The following FKBP15 variants were observed in gnomAD, a reference collection of about 807,000 sequenced individuals.
FKBP15 encodes FKBP prolyl isomerase family member 15.
A neutral mutation model predicts 158.1 loss-of-function variants in FKBP15; 106 were observed. The ratio of observed to expected loss-of-function variants is 0.67; its 90% CI spans 0.57 to 0.79. FKBP15 has a LOEUF of 0.79. FKBP15 is among the 30% of genes least tolerant of loss of function. The pLI, the probability that FKBP15 is intolerant of heterozygous loss-of-function variation, is 0.00. For missense variants in FKBP15, 1,287 were observed against 1,479.1 expected (o/e 0.87, Z 2.13); for synonymous variants, 547 against 548.6 (o/e 1.00, Z 0.04).
At position 113,194,051 on chromosome 9, in the gene FKBP15, G is replaced by A. The variant is rs777612372; in HGVS notation, c.983C>T (p.Pro328Leu). ...CCCTGATTTGAAAGGTATTGATGTG[G>A]GTGGTGACACAACAGGATCAGCAGA... is the stretch of plus-strand genomic sequence containing the variant. ...NLSADPVVSP[P>L]TSIPFKSGEP... The change falls in exon 10 of 28, where the codon CCC (proline) becomes CTC (leucine). Residue 328 changes from proline (P) to leucine (L), a missense_variant. Pro to Leu is a moderately conservative substitution (Grantham distance 98, BLOSUM62 -3). Transcript: ENST00000238256. 9.3e-6 allele frequency: 15 copies of A among 1,612,910 alleles called. No individual in the cohort carries two copies. In the African/African-American group the frequency reaches 1.6e-4, roughly 17 times the overall value.
Position 113,163,646 on chromosome 9 carries a change from T to A in FKBP15, c.*2432A>T, listed in dbSNP as rs1358195641. 1.3e-5 allele frequency: 2 copies of A among 151,708 alleles called. No homozygotes were observed. The highest frequency in any genetic ancestry group is 3.0e-5 in the Non-Finnish European group (2 of 67,748). 9.4% of individuals were successfully genotyped at this position (151,708 alleles called of 1,614,324 possible). ...ATTAAAGGCAGAGACACAGGACTGC[T>A]TTCAGGCTCCTGGTTTATTCTCTGA... On this transcript the variant is annotated 3_prime_UTR_variant, in exon 28 of 28. Transcript: ENST00000238256.
intron 9 of FKBP15, 29 bp from the exon 10 acceptor site, chr9:113,194,198 T>C (rs1460473266): frequency 1.9e-6 from 3 of 1,551,196 alleles, no homozygotes; most frequent in East Asian, 2.4e-5. Context: ...TTCTCACTCA[T>C]AGGTGGGAAT....
chr9:113,189,756 A>T (rs999182514), intron 12 of FKBP15, among the ~76,000 whole-genome samples: 7 of 152,218 alleles, frequency 4.6e-5, no homozygotes, highest in Admixed American at 1.3e-4. Flanking sequence ...TTTCACTTCA[A>T]TTGAGAAAGG....
In FKBP15 at chr9:113,165,839, C is replaced by T. The variant is rs994327392; in HGVS notation, c.*239G>A. ...TGGCTTGGAGGGGAACCTACCAGTC[C>T]TTCTTCCAACTTGCTGCTGAAATCC... On this transcript the variant is annotated 3_prime_UTR_variant, in exon 28 of 28. Coordinates refer to ENST00000238256, the MANE Select transcript of FKBP15 (RefSeq NM_015258.2). The T allele has an allele frequency of 2.2e-6, 1 of 446,538 alleles. No homozygotes were observed. Among genetic ancestry groups the T allele is most frequent in the Non-Finnish European group, 4.1e-6 (1 of 242,052 alleles). The allele number at this position is 446,538 out of a possible 1,614,324, so 27.7% of individuals were successfully genotyped here. A position where few individuals can be genotyped will look rare whatever the true frequency, so the allele number is the denominator to read the frequency against.
At chr9:113,167,626 A>G (rs1830117992) in intron 27 of FKBP15, among the ~76,000 whole-genome samples, 2 of 152,136 alleles carry the variant, frequency 1.3e-5, no homozygotes, top group Non-Finnish European at 2.9e-5. Context: ...GGCAAAATCC[A>G]CTCTGGCTGA....
intron 20 of FKBP15, 69 bp downstream of exon 20, chr9:113,178,561 A>G: frequency 6.8e-7 from 1 of 1,464,794 alleles, no homozygotes; most frequent in Non-Finnish European, 9.1e-7. Context: ...AAAAATTGAG[A>G]GGAAGAAAAC....
intron 1 of FKBP15, among the ~76,000 whole-genome samples, chr9:113,217,214 T>TG (rs1193558991): frequency 3.1e-4 from 44 of 143,108 alleles, no homozygotes; most frequent in East Asian, 2.9e-3. Flanking sequence ...TTTTTTTTTT[T>TG]TTTTTTTTTT....
chr9:113,188,706 T>G (rs992453217), intron 12 of FKBP15: 2 of 513,172 alleles, frequency 3.9e-6, no homozygotes, highest in Non-Finnish European at 7.0e-6. Context: ...TATAATCATA[T>G]TGAATAAGTA....
intron 25 of FKBP15, 109 bp from the exon 26 acceptor site, chr9:113,170,051 G>A: frequency 7.4e-7 from 1 of 1,349,596 alleles, no homozygotes; most frequent in Non-Finnish European, 9.8e-7. Context: ...CTTCTTTCCT[G>A]TTAAAAGAGG....
At chr9:113,215,674 C>A (rs1831114825) in intron 1 of FKBP15, among the ~76,000 whole-genome samples, 1 of 92,296 alleles carries the variant, frequency 1.1e-5, no homozygotes, top group African/African-American at 4.0e-5. Flanking sequence ...TTTTGAGATG[C>A]AGTCTCACTC....
intron 1 of FKBP15, among the ~76,000 whole-genome samples, chr9:113,219,825 A>G (rs1384129568): frequency 6.6e-6 from 1 of 152,224 alleles, no homozygotes; most frequent in Non-Finnish European, 1.5e-5. Context: ...TGGAATAGGG[A>G]AAAAAGGAAC....
rs1453469002 is a variant in FKBP15, at chr9:113,161,937, G to A, written c.*4141C>T. ...AGAGGCTCAGAAGGCTTTCTTTAGG[G>A]AACAGTGATCTTCAGGTGCAGGCCC... On this transcript the variant is annotated 3_prime_UTR_variant, in exon 28 of 28. Transcript: ENST00000238256. The A allele has an allele frequency of 1.4e-5, 9 of 623,036 alleles. No homozygotes were observed. The highest frequency in any genetic ancestry group is 9.2e-5 in the East Asian group (3 of 32,662). The allele number at this position is 623,036 out of a possible 1,614,324, so 38.6% of individuals were successfully genotyped here.
Position 113,194,461 on chromosome 9 carries a change from A to G in FKBP15, c.865-292T>C, listed in dbSNP as rs1564172525. Among the ~76,000 whole-genome samples, 17 of 151,452 alleles carry G rather than the reference A, an allele frequency of 1.1e-4. 1 individual carries two copies. ...AATAATAAATAAATTAAAAAAAAAA[A>G]AGAGTCATTGCAGGTGGAATAGGTT... On this transcript the variant is annotated intron_variant, in intron 9 of 27. Transcript: ENST00000238256.
intron 2 of FKBP15, among the ~76,000 whole-genome samples, chr9:113,208,336 CA>C (rs952517226): frequency 2.7e-5 from 4 of 149,476 alleles, no homozygotes; most frequent in South Asian, 2.1e-4. Flanking sequence ...GACTCCGTCT[CA>C]AAAAAAACAA....
Position 113,164,256 on chromosome 9 carries a change from CAG to C in FKBP15, c.*1820_*1821del, listed in dbSNP as rs1336332819. 2.0e-5 allele frequency: 3 copies of C among 147,702 alleles called. No individual in the cohort carries two copies. Among genetic ancestry groups the C allele is most frequent in the East Asian group, 3.9e-4 (2 of 5,136 alleles). The allele number at this position is 147,702 out of a possible 1,614,324, so 9.1% of individuals were successfully genotyped here. A position where few individuals can be genotyped will look rare whatever the true frequency, so the allele number is the denominator to read the frequency against. ...TACTCTTTATAAGCCTGTCTGAGGA[CAG>C]AGTCCATCCATCTGCTACAAAGACA... On this transcript the variant is annotated 3_prime_UTR_variant, in exon 28 of 28. Coordinates refer to ENST00000238256, the MANE Select transcript of FKBP15 (RefSeq NM_015258.2).
intron 4 of FKBP15, among the ~76,000 whole-genome samples, chr9:113,203,771 C>T (rs1830838070): frequency 6.6e-6 from 1 of 152,122 alleles, no homozygotes; most frequent in South Asian, 2.1e-4. Flanking sequence ...AGGTGATCCG[C>T]CCACCTTGGC....
chr9:113,184,195 G>A lies in FKBP15; in HGVS notation c.1716+97C>T, dbSNP rs1830447329. ...TAACCCAGTGTAGCGTTTATCACAG[G>A]CTATTTCTGGGGTGGAGGTGTTAAA... On this transcript the variant is annotated intron_variant, in intron 17 of 27. Transcript: ENST00000238256. The surrounding 1 kb of genome is among the most constrained non-coding windows in gnomAD (Gnocchi z 4.5). The A allele has an allele frequency of 1.3e-6, 1 of 787,442 alleles. No homozygotes were observed. The highest frequency in any genetic ancestry group is 2.1e-6 in the Non-Finnish European group (1 of 472,960). 48.8% of individuals were successfully genotyped at this position (787,442 alleles called of 1,614,324 possible).
rs71491081 is a variant in FKBP15 at position 113,216,083 on chromosome 9, G to GAAAAA, written c.54-4496_54-4492dup. 4.9e-3 allele frequency among the ~76,000 whole-genome samples: 420 copies of GAAAAA among 85,952 alleles called. 16 individuals carry two copies. The South Asian group carries it at 0.056, about 11-fold the overall frequency. The allele number at this position is 85,952 out of a possible 152,430, so 56.4% of individuals were successfully genotyped here. ...GGGTTGGACACAACCTTTATTTTGT[G>GAAAAA]AAAAAAAAAAAAAAAAAAATCTGCA... On this transcript the variant is annotated intron_variant, in intron 1 of 27. Transcript: ENST00000238256.
intron 4 of FKBP15, among the ~76,000 whole-genome samples, chr9:113,204,592 T>G (rs1017436087): frequency 4.6e-5 from 7 of 152,332 alleles, no homozygotes; most frequent in Admixed American, 2.0e-4. Context: ...TTCTACTGTC[T>G]TTGGATTCCA....
Sources: allele counts gnomAD v4.1 joint callset (sites outside exome capture counted in the v4.1 genomes callset), GRCh38; gene constraint gnomAD v4.1.1; non-coding constraint Gnocchi (gnomAD v3.1); transcripts MANE v1.5; gene names NCBI Gene and HGNC (gene_info 2026-07-23, HGNC 2026-07-21).